VPS51: variants seen among roughly 807,000 people sequenced by gnomAD.
The protein encoded by VPS51 is VPS51 subunit of GARP complex.
In VPS51, 55 loss-of-function variants were observed where a neutral mutation model predicts 65.1. That is an observed-to-expected ratio of 0.84 (90% CI 0.68 to 1.06). The LOEUF is 1.06. VPS51 is among the 50% of genes least tolerant of loss of function. VPS51 has a pLI of 0.00. For missense variants in VPS51, 943 were observed against 1,101.6 expected, an observed-to-expected ratio of 0.86 and a Z score of 2.04; for synonymous variants, 473 against 489.5, an observed-to-expected ratio of 0.97 and a Z score of 0.44.
chr11:65,106,790 C>T (rs3896078), intron 2 of VPS51, among the ~76,000 whole-genome samples: 1 of 150,868 alleles, frequency 6.6e-6, no homozygotes, highest in African/African-American at 2.4e-5. Flanking sequence ...GAATTGAGGC[C>T]GTCAGTGAAC....
At position 65,111,525 on chromosome 11, in the gene VPS51, C is replaced by T. The variant is rs1565319452; in HGVS notation, c.2287C>T (p.Arg763Cys). 1 of 1,613,136 alleles carries T rather than the reference C, an allele frequency of 6.2e-7. No homozygotes were observed. The highest frequency in any genetic ancestry group is 8.5e-7 in the Non-Finnish European group (1 of 1,180,022). The change falls in exon 10 of 10, where the codon CGC (arginine) becomes TGC (cysteine). Residue 763 changes from arginine to cysteine, a missense_variant. Arg to Cys is a radical substitution (Grantham distance 180, BLOSUM62 -3). Transcript: ENST00000279281. ...CGAAGTGGTGGCCTCTGCTGCCCTG[C>T]GCTGCCCAGACCCTGTGCCCATGGA... ...LDEVVASAAL[R>C]CPDPVPMEPS... is the part of the protein sequence containing the mutation.
chr11:65,100,697 A>AT (rs1947802490), intron 2 of VPS51, among the ~76,000 whole-genome samples: 1 of 151,696 alleles, frequency 6.6e-6, no homozygotes, highest in Non-Finnish European at 1.5e-5. Flanking sequence ...CACCCGCCTA[A>AT]TTTTTTTATT....
In VPS51 at chr11:65,109,352, CAG is replaced by C; in HGVS notation, c.1519_1520del (p.Ser507LeufsTer40). Reference sequence around the variant, plus strand: ...CGTCCACTCTATGTGCCAGACGGCTCAGAGCTTCTGCGACAGCCCTGGGGAGA... The same window carrying C: ...CGTCCACTCTATGTGCCAGACGGCTCAGCTTCTGCGACAGCCCTGGGGAGA... ...GFVHSMCQTA[Q>X]SFCDSPGEKG... On this transcript the variant is annotated frameshift_variant, in exon 6 of 10. Coordinates refer to ENST00000279281, the MANE Select transcript of VPS51 (RefSeq NM_013265.4). LOFTEE classifies it high-confidence loss of function. 1 of 1,613,570 alleles carries C rather than the reference CAG, an allele frequency of 6.2e-7. No homozygotes were observed. Among genetic ancestry groups the C allele is most frequent in the Non-Finnish European group, 8.5e-7 (1 of 1,180,006 alleles).
intron 5 of VPS51, 100 bp from the exon 6 acceptor site, chr11:65,109,180 T>C: frequency 1.5e-6 from 2 of 1,313,108 alleles, no homozygotes; most frequent in South Asian, 2.7e-5. Context: ...TGCTGTCCCT[T>C]GCAGAGGGGG....
intron 7 of VPS51, chr11:65,110,241 C>G (rs923025462): frequency 3.5e-5 from 24 of 678,796 alleles, no homozygotes; most frequent in Non-Finnish European, 5.9e-5. Context: ...CCCAGGAAGT[C>G]AGGGCAGGGT....
chr11:65,103,004 A>T (rs1222285354), intron 2 of VPS51, among the ~76,000 whole-genome samples: 1 of 152,198 alleles, frequency 6.6e-6, no homozygotes, highest in African/African-American at 2.4e-5. Context: ...AAATTAAAAA[A>T]TTAGCCGGGT....
intron 6 of VPS51, 87 bp downstream of exon 6, chr11:65,109,582 C>A (rs1206120475): frequency 1.9e-6 from 3 of 1,543,210 alleles, no homozygotes; most frequent in Non-Finnish European, 2.6e-6. Context: ...AGACCCCAGA[C>A]CAGCTGCCTG....
intron 2 of VPS51, among the ~76,000 whole-genome samples, chr11:65,099,050 A>G (rs1301239276): frequency 6.6e-6 from 1 of 152,084 alleles, no homozygotes; most frequent in Non-Finnish European, 1.5e-5. Context: ...TAGCTGGGCA[A>G]GGTGGTGCAT....
At position 65,099,799 on chromosome 11, in the gene VPS51, A is replaced by T. The variant is rs372298564; in HGVS notation, c.358+2672A>T. ...GTGACAGAGCAAGACCTAGTCTCAA[A>T]AAATAAATAAATAAATAAAAAGGCC... On this transcript the variant is annotated intron_variant, in intron 2 of 9. Coordinates refer to ENST00000279281, the MANE Select transcript of VPS51 (RefSeq NM_013265.4). Among the ~76,000 whole-genome samples, 11 of 152,226 alleles carry T rather than the reference A, an allele frequency of 7.2e-5. No individual in the cohort carries two copies. The East Asian group carries it at 1.3e-3, about 19-fold the overall frequency.
intron 6 of VPS51, 34 bp downstream of exon 6, chr11:65,109,529 G>T (rs1383339794): frequency 1.2e-6 from 2 of 1,600,118 alleles, no homozygotes; most frequent in Non-Finnish European, 1.7e-6. Flanking sequence ...GCAGGGAATG[G>T]TGTTGCTGGG....
In VPS51 at chr11:65,107,485, C is replaced by A. The variant is rs1947850002; in HGVS notation, c.359-96C>A. 2.0e-6 allele frequency: 3 copies of A among 1,472,718 alleles called. No individual in the cohort carries two copies. Among genetic ancestry groups the A allele is most frequent in the Non-Finnish European group, 2.7e-6 (3 of 1,093,092 alleles). 91.2% of individuals were successfully genotyped at this position (1,472,718 alleles called of 1,614,324 possible). On this transcript the variant is annotated intron_variant, in intron 2 of 9. Coordinates refer to ENST00000279281, the MANE Select transcript of VPS51 (RefSeq NM_013265.4). This position sits in a 1 kb window ranked among gnomAD's most constrained non-coding sequence, Gnocchi z 4.0. ...ATCATCCATGCGCCCCTGGAGCAAG[C>A]TGGGGCGTCTGTGAAGGGGTGGGTG... is the stretch of plus-strand genomic sequence containing the variant.
In VPS51 at chr11:65,107,739, C is replaced by G. The variant is rs747473650; in HGVS notation, c.505+12C>G. The G allele has an allele frequency of 1.9e-6, 3 of 1,605,762 alleles. No homozygotes were observed. In the East Asian group the frequency reaches 6.7e-5, roughly 36 times the overall value. On this transcript the variant is annotated intron_variant, in intron 3 of 9. Transcript: ENST00000279281. The surrounding 1 kb of genome is among the most constrained non-coding windows in gnomAD (Gnocchi z 4.0). ...CACCAAGCTGGCAGGTGGGCGCTGC[C>G]GGGCAGGGCCTGCAGTGGGCCTTTC... is the stretch of plus-strand genomic sequence containing the variant.
intron 2 of VPS51, among the ~76,000 whole-genome samples, chr11:65,100,447 A>G (rs1344145549): frequency 2.0e-5 from 3 of 151,968 alleles, no homozygotes; most frequent in Admixed American, 6.6e-5. Context: ...ATGATCGGCA[A>G]TTTTACTCCT....
chr11:65,109,617 C>T (rs1257802875), intron 6 of VPS51, 88 bp from the exon 7 acceptor site: 1 of 1,512,456 alleles, frequency 6.6e-7, no homozygotes, highest in Admixed American at 2.0e-5. Context: ...TCCACCTTGC[C>T]CAATCTGTGC....
Position 65,110,795 on chromosome 11 carries a change from C to T in VPS51, c.2088+14C>T, listed in dbSNP as rs765876385. ...GAGTTCAACAAGGTCCGACTTCCAA[C>T]GTGACTCAGACTTCCAGGGATCCCG... On this transcript the variant is annotated intron_variant, in intron 9 of 9. Transcript: ENST00000279281. 5 of 1,614,064 alleles carry T rather than the reference C, an allele frequency of 3.1e-6. No individual in the cohort carries two copies. Among genetic ancestry groups the T allele is most frequent in the South Asian group, 1.1e-5 (1 of 91,088 alleles).
intron 2 of VPS51, among the ~76,000 whole-genome samples, chr11:65,104,928 CTG>C (rs1382870166): frequency 6.6e-6 from 1 of 152,144 alleles, no homozygotes; most frequent in East Asian, 1.9e-4. Context: ...TCTAGTTTTT[CTG>C]TTTCTGTTTT....
intron 2 of VPS51, 87 bp downstream of exon 2, chr11:65,097,214 G>T: frequency 6.4e-7 from 1 of 1,569,864 alleles, no homozygotes; most frequent in South Asian, 1.2e-5. Flanking sequence ...GATTTAGAGG[G>T]GGGAGACTCA....
At chr11:65,110,628 G>A in intron 8 of VPS51, 25 bp downstream of exon 8, 1 of 1,614,128 alleles carries the variant, frequency 6.2e-7, no homozygotes. Flanking sequence ...GGGAGCCCCA[G>A]GGGGAAGGGA....
At position 65,108,741 on chromosome 11, in the gene VPS51, G is replaced by A. The variant is rs1042069929; in HGVS notation, c.1270G>A (p.Asp424Asn). ...GGCGGCCTTCCTGGGCTGCCTGACA[G>A]ACGTCCGCCAGGCGCTGGCAGCACC... Reference protein sequence around the residue: ...LRAAFLGCLTDVRQALAAPRV... With the variant: ...LRAAFLGCLTNVRQALAAPRV... The change falls in exon 5 of 10, where the codon GAC (aspartate) becomes AAC (asparagine). Residue 424 changes from aspartate to asparagine, a missense_variant. Transcript: ENST00000279281. The A allele has an allele frequency of 6.8e-6, 11 of 1,611,242 alleles. No homozygotes were observed. Among genetic ancestry groups the A allele is most frequent in the Non-Finnish European group, 9.3e-6 (11 of 1,179,702 alleles).
Sources: gnomAD v4.1 joint callset for allele counts (sites outside exome capture counted in the v4.1 genomes callset) on GRCh38, gnomAD v4.1.1 for gene constraint, Gnocchi (gnomAD v3.1) non-coding constraint, MANE v1.5 for transcripts, NCBI Gene and HGNC (gene_info 2026-07-23, HGNC 2026-07-21) for gene names.